Variants in CRHR1 observed in about 807,000 individuals in gnomAD.
The protein encoded by CRHR1 is corticotropin releasing hormone receptor 1.
Under a neutral mutation model 56.0 loss-of-function variants are expected in CRHR1, and 28 were observed. The ratio of observed to expected loss-of-function variants is 0.50; its 90% CI spans 0.37 to 0.69. The LOEUF is 0.69. Ranked by LOEUF, CRHR1 falls within the 30% of genes least tolerant of loss-of-function variation. The pLI is 0.00. For synonymous variants in CRHR1, 195 were observed against 216.5 expected (o/e 0.90, Z 0.87); for missense variants, 376 against 548.0 (o/e 0.69, Z 3.13).
intron 4 of CRHR1, among the ~76,000 whole-genome samples, chr17:45,824,762 G>T (rs1377884818): frequency 6.6e-6 from 1 of 152,176 alleles, no homozygotes; most frequent in Non-Finnish European, 1.5e-5. Context: ...CCCAAAAATG[G>T]TGGCCAGGAA....
At chr17:45,812,990 TC>T (rs2061851819) in intron 2 of CRHR1, among the ~76,000 whole-genome samples, 1 of 152,024 alleles carries the variant, frequency 6.6e-6, no homozygotes, top group East Asian at 1.9e-4. Flanking sequence ...CCCTACAGGG[TC>T]CCAGGGACCC....
intron 1 of CRHR1, among the ~76,000 whole-genome samples, chr17:45,802,664 A>G (rs529989249): frequency 5.1e-4 from 77 of 152,260 alleles, no homozygotes; most frequent in African/African-American, 1.9e-3. Context: ...TTTAAGAAGC[A>G]TTTTTCTTTG....
intron 10 of CRHR1, 21 bp from the exon 11 acceptor site, chr17:45,833,693 T>TCCCCCCCCCCC: frequency 1.9e-6 from 3 of 1,571,614 alleles, no homozygotes. Flanking sequence ...ACTCCGAGCC[T>TCCCCCCCCCCC]CCCCACCCGC....
chr17:45,798,182 C>T (rs938042563), intron 1 of CRHR1, among the ~76,000 whole-genome samples: 1 of 152,182 alleles, frequency 6.6e-6, no homozygotes, highest in Non-Finnish European at 1.5e-5. Flanking sequence ...ATTCATTCAA[C>T]AAACATGTTG....
At chr17:45,804,599 G>A (rs191305731) in intron 1 of CRHR1, among the ~76,000 whole-genome samples, 16 of 152,196 alleles carry the variant, frequency 1.1e-4, no homozygotes, top group African/African-American at 3.9e-4. Flanking sequence ...CATGGAAAAG[G>A]CAGGTCAGTT....
intron 1 of CRHR1, among the ~76,000 whole-genome samples, chr17:45,795,033 T>G (rs2061493317): frequency 6.6e-6 from 1 of 152,156 alleles, no homozygotes; most frequent in Non-Finnish European, 1.5e-5. Flanking sequence ...GCATCTCCTG[T>G]GCACCCCCTG....
chr17:45,821,278 C>A, intron 3 of CRHR1, 77 bp from the exon 4 acceptor site: 2 of 1,286,750 alleles, frequency 1.6e-6, no homozygotes, highest in Non-Finnish European at 2.3e-6. Context: ...GATCCATCTA[C>A]GCATCCATCT....
chr17:45,789,657 G>A (rs540006037), intron 1 of CRHR1, among the ~76,000 whole-genome samples: 8 of 152,312 alleles, frequency 5.3e-5, no homozygotes, highest in East Asian at 3.9e-4. Flanking sequence ...GGTTACAGGC[G>A]TAAGCCACAG....
chr17:45,784,926 C>A lies in CRHR1; in HGVS notation c.33+349C>A, dbSNP rs2061305518. ...CCACCTCCCACGCCCTTCCTGCAGA[C>A]CTCGGCCCCGGGACTGGAGACTCTG... On this transcript the variant is annotated intron_variant, in intron 1 of 12. Coordinates refer to ENST00000314537, the MANE Select transcript of CRHR1 (RefSeq NM_004382.5). The surrounding 1 kb of genome is among the most constrained non-coding windows in gnomAD (Gnocchi z 4.2). Among the ~76,000 whole-genome samples, 2 of 152,132 alleles carry A rather than the reference C, an allele frequency of 1.3e-5. No homozygotes were observed. Among genetic ancestry groups the A allele is most frequent in the South Asian group, 4.1e-4 (2 of 4,824 alleles).
chr17:45,795,318 G>A (rs2061498208), intron 1 of CRHR1, among the ~76,000 whole-genome samples: 1 of 152,116 alleles, frequency 6.6e-6, no homozygotes, highest in African/African-American at 2.4e-5. Flanking sequence ...TTCCTCCCCT[G>A]CCCCGCCCCC....
In CRHR1 at chr17:45,830,434, G is replaced by A; in HGVS notation, c.573G>A (p.Val191=). The A allele has an allele frequency of 6.2e-7, 1 of 1,611,524 alleles. No individual in the cohort carries two copies. ...GGTGGCAGGGCTGGTGCAGGTTGGT[G>A]ACAGCCGCCTACAACTACTTCCATG... The part of the protein sequence containing the change: ...HQSNVGWCRL[V]TAAYNYFHVT... Residue 191 remains valine (V), a synonymous_variant, in exon 7 of 13, where the codon GTG becomes GTA. Coordinates refer to ENST00000314537, the MANE Select transcript of CRHR1 (RefSeq NM_004382.5).
At chr17:45,794,305 T>G (rs960223843) in intron 1 of CRHR1, among the ~76,000 whole-genome samples, 1 of 152,240 alleles carries the variant, frequency 6.6e-6, no homozygotes, top group East Asian at 1.9e-4. Context: ...GTTTTGTACT[T>G]CTCAAGTTGT....
intron 1 of CRHR1, among the ~76,000 whole-genome samples, chr17:45,801,070 T>G (rs1182189094): frequency 6.6e-6 from 1 of 152,216 alleles, no homozygotes; most frequent in Non-Finnish European, 1.5e-5. Flanking sequence ...ACACTGGGAA[T>G]TGGGATGGCA....
At chr17:45,802,352 T>C (rs2061639206) in intron 1 of CRHR1, among the ~76,000 whole-genome samples, 1 of 152,154 alleles carries the variant, frequency 6.6e-6, no homozygotes, top group Non-Finnish European at 1.5e-5. Flanking sequence ...AAATTCTCCA[T>C]TTTAAGGGCA....
intron 5 of CRHR1, 59 bp from the exon 6 acceptor site, chr17:45,830,035 C>G: frequency 6.2e-7 from 1 of 1,606,506 alleles, no homozygotes; most frequent in East Asian, 2.2e-5. Context: ...ATGGAGGTGG[C>G]CTACCCCTCA....
At chr17:45,819,050 T>C (rs774821982) in intron 3 of CRHR1, among the ~76,000 whole-genome samples, 7 of 152,036 alleles carry the variant, frequency 4.6e-5, no homozygotes, top group Non-Finnish European at 2.9e-5. Flanking sequence ...CTCCCCCACA[T>C]GTCAAGGGGG....
At chr17:45,807,480 T>C (rs2061741611) in intron 2 of CRHR1, among the ~76,000 whole-genome samples, 1 of 152,204 alleles carries the variant, frequency 6.6e-6, no homozygotes, top group Non-Finnish European at 1.5e-5. Context: ...AGTCTGTGGC[T>C]AAAAATGCCC....
chr17:45,791,254 C>G (rs897024231), intron 1 of CRHR1, among the ~76,000 whole-genome samples: 2 of 152,068 alleles, frequency 1.3e-5, no homozygotes, highest in Non-Finnish European at 2.9e-5. Flanking sequence ...AAAAGCAAAC[C>G]GGGTCCAGGC....
chr17:45,796,968 G>T (rs1294068104), intron 1 of CRHR1, among the ~76,000 whole-genome samples: 1 of 152,348 alleles, frequency 6.6e-6, no homozygotes, highest in Middle Eastern at 3.4e-3. Flanking sequence ...GAATGCATGA[G>T]AGGCAGAAAT....
Sources: gnomAD v4.1 joint callset for allele counts (sites outside exome capture counted in the v4.1 genomes callset) on GRCh38, gnomAD v4.1.1 for gene constraint, Gnocchi (gnomAD v3.1) non-coding constraint, MANE v1.5 for transcripts, NCBI Gene and HGNC (gene_info 2026-07-23, HGNC 2026-07-21) for gene names.